ST7: variants seen among roughly 807,000 people sequenced by gnomAD.
ST7 encodes suppression of tumorigenicity 7.
ST7 carries 28 observed loss-of-function variants against 78.7 expected under a neutral mutation model. That is an observed-to-expected ratio of 0.36 (90% CI 0.26 to 0.49). The LOEUF is 0.49. ST7 is among the 20% of genes least tolerant of loss of function. The pLI is 0.99. For missense variants in ST7, 418 were observed against 696.0 expected (o/e 0.60, Z 4.49); for synonymous variants, 247 against 249.6 (o/e 0.99, Z 0.10).
intron 1 of ST7, among the ~76,000 whole-genome samples, chr7:116,983,459 G>C (rs77320923): frequency 6.6e-6 from 1 of 152,206 alleles, no homozygotes; most frequent in African/African-American, 2.4e-5. Context: ...GAAACCACAT[G>C]CTGAGCATCC....
At chr7:117,150,678 A>G (rs1378946275) in intron 9 of ST7, among the ~76,000 whole-genome samples, 1 of 152,128 alleles carries the variant, frequency 6.6e-6, no homozygotes, top group African/African-American at 2.4e-5. Context: ...TCACTTGGCC[A>G]TCAATTCTAA....
intron 15 of ST7, among the ~76,000 whole-genome samples, chr7:117,226,910 T>C (rs1377308328): frequency 6.6e-6 from 1 of 152,202 alleles, no homozygotes; most frequent in East Asian, 1.9e-4. Flanking sequence ...CTTCGTATTC[T>C]TGTGGAACCT....
intron 12 of ST7, chr7:117,198,191 A>G: frequency 3.1e-6 from 1 of 325,118 alleles, no homozygotes; most frequent in South Asian, 2.4e-5. Context: ...GATAAAAGTA[A>G]TGGCTTCACA....
At chr7:116,999,361 A>G (rs1794818122) in intron 1 of ST7, among the ~76,000 whole-genome samples, 1 of 152,248 alleles carries the variant, frequency 6.6e-6, no homozygotes, top group Non-Finnish European at 1.5e-5. Flanking sequence ...TATACTAAGC[A>G]TCTTAGATAC....
At chr7:117,006,764 A>C (rs181641455) in intron 1 of ST7, among the ~76,000 whole-genome samples, 64 of 152,338 alleles carry the variant, frequency 4.2e-4, no homozygotes, top group Admixed American at 1.2e-3. Context: ...CCAATGGCAC[A>C]TGCTCACTTC....
chr7:117,026,085 G>C (rs1417292099), intron 1 of ST7, among the ~76,000 whole-genome samples: 1 of 152,170 alleles, frequency 6.6e-6, no homozygotes, highest in African/African-American at 2.4e-5. Flanking sequence ...ACTGTGGGGA[G>C]TCTATGGGGA....
rs934228707 is a variant in ST7 at position 117,014,354 on chromosome 7, A to G, written c.151+60663A>G. ...TGTGACATTAAAGATTACATCAGAT[A>G]TAGTGTGTCTCAGTAATGACCATAT... is the stretch of plus-strand genomic sequence containing the variant. On this transcript the variant is annotated intron_variant, in intron 1 of 15. Coordinates refer to ENST00000323984, the MANE Select transcript of ST7 (RefSeq NM_001369598.1). Among the ~76,000 whole-genome samples, 7 of 152,212 alleles carry G rather than the reference A, an allele frequency of 4.6e-5. 1 individual carries two copies. Among genetic ancestry groups the G allele is most frequent in the African/African-American group, 1.7e-4 (7 of 41,452 alleles).
intron 2 of ST7, 146 bp from the exon 3 acceptor site, chr7:117,119,415 A>ATT (rs1803179206): frequency 1.3e-6 from 1 of 783,522 alleles, no homozygotes; most frequent in Non-Finnish European, 1.9e-6. Flanking sequence ...TATTAAATTT[A>ATT]CTAAAATCTA....
chr7:116,996,817 C>T (rs541935568), intron 1 of ST7, among the ~76,000 whole-genome samples: 34 of 152,272 alleles, frequency 2.2e-4, no homozygotes, highest in Middle Eastern at 3.4e-3. Flanking sequence ...ACATATATAG[C>T]TGATGTTTTT....
chr7:116,991,022 A>G (rs943635294), intron 1 of ST7, among the ~76,000 whole-genome samples: 1 of 152,194 alleles, frequency 6.6e-6, no homozygotes, highest in African/African-American at 2.4e-5. Flanking sequence ...GCCCCTTCCT[A>G]TCACTAACCC....
At chr7:117,179,010 T>G (rs983443516) in intron 10 of ST7, among the ~76,000 whole-genome samples, 17 of 152,204 alleles carry the variant, frequency 1.1e-4, no homozygotes, top group African/African-American at 3.9e-4. Context: ...CAACCTTGTT[T>G]CAGTTTTTAC....
At chr7:117,151,370 G>T (rs1007924551) in intron 9 of ST7, among the ~76,000 whole-genome samples, 1 of 152,116 alleles carries the variant, frequency 6.6e-6, no homozygotes, top group African/African-American at 2.4e-5. Context: ...AGTGTGCCAA[G>T]CTTGCTTGAT....
At chr7:117,152,218 T>TATAC (rs1806347850) in intron 9 of ST7, among the ~76,000 whole-genome samples, 1 of 122,828 alleles carries the variant, frequency 8.1e-6, no homozygotes, top group Non-Finnish European at 1.7e-5. Context: ...TATATATATA[T>TATAC]ATATACCATG....
chr7:117,042,409 C>G (rs893953748), intron 1 of ST7, among the ~76,000 whole-genome samples: 1 of 152,148 alleles, frequency 6.6e-6, no homozygotes, highest in South Asian at 2.1e-4. Context: ...ATTTAAAGGT[C>G]AAATGACTAA....
chr7:117,114,627 G>T (rs566266976), intron 2 of ST7, among the ~76,000 whole-genome samples: 25 of 152,294 alleles, frequency 1.6e-4, no homozygotes, highest in African/African-American at 3.1e-4. Context: ...TTTCCCATGG[G>T]TTTAATGGTG....
intron 5 of ST7, 195 bp downstream of exon 5, chr7:117,130,801 C>G: frequency 4.6e-6 from 2 of 430,486 alleles, no homozygotes; most frequent in Non-Finnish European, 8.2e-6. Context: ...GAAATGAGTC[C>G]CCTCATAATA....
intron 2 of ST7, among the ~76,000 whole-genome samples, chr7:117,110,457 T>C (rs1802339024): frequency 6.6e-6 from 1 of 152,178 alleles, no homozygotes; most frequent in Admixed American, 6.5e-5. Flanking sequence ...TGCTAATGGT[T>C]GTTTCCTTTT....
At position 117,138,453 on chromosome 7, in the gene ST7, T is replaced by C; in HGVS notation, c.884T>C (p.Leu295Ser). The C allele has an allele frequency of 6.2e-7, 1 of 1,608,534 alleles. No homozygotes were observed. Among genetic ancestry groups the C allele is most frequent in the Admixed American group, 1.7e-5 (1 of 59,534 alleles). ...TCTTCAGGACGAGACACCAATGTCT[T>C]GGTGTACATCAAAAGAAGGCTAGCA... is the stretch of plus-strand genomic sequence containing the variant. Reference protein sequence around the residue: ...EAQHRRDTNVLVYIKRRLAMC... With the variant: ...EAQHRRDTNVSVYIKRRLAMC... Residue 295 changes from leucine (L) to serine (S), a missense_variant, in exon 9 of 16, where the codon TTG becomes TCG. By Grantham distance (145) the Leu-to-Ser change is moderately radical (BLOSUM62 -2). Around this residue, in one of 4 missense-constraint regions of ST7, gnomAD observed 288 missense variants for 537.1 expected, o/e 0.54. Coordinates refer to ENST00000323984, the MANE Select transcript of ST7 (RefSeq NM_001369598.1).
At chr7:116,972,579 T>C in intron 1 of ST7, 1 of 1,412,292 alleles carries the variant, frequency 7.1e-7, no homozygotes, top group Non-Finnish European at 9.9e-7. Flanking sequence ...CTTCTTTGAG[T>C]TGAATTTCCT....
Sources: gnomAD v4.1 joint callset for allele counts (sites outside exome capture counted in the v4.1 genomes callset) on GRCh38, gnomAD v4.1.1 for gene constraint, gnomAD v4.1.1 regional missense constraint, MANE v1.5 for transcripts, NCBI Gene and HGNC (gene_info 2026-07-23, HGNC 2026-07-21) for gene names.